The following MLLT3 variants were observed in gnomAD, a reference collection of about 807,000 sequenced individuals.
The protein encoded by MLLT3 is MLLT3 super elongation complex subunit.
Under a neutral mutation model 53.2 loss-of-function variants are expected in MLLT3, and 4 were observed. That is an observed-to-expected ratio of 0.08 (90% CI 0.04 to 0.17). The LOEUF (loss-of-function observed/expected upper bound fraction) is 0.17. MLLT3 is among the 10% of genes least tolerant of loss of function. MLLT3 has a pLI of 1.00. For synonymous variants in MLLT3, 283 were observed against 230.6 expected (o/e 1.23, Z -2.06); for missense variants, 569 against 684.0 (o/e 0.83, Z 1.87).
At chr9:20,521,976 G>A (rs553390914) in intron 2 of MLLT3, among the ~76,000 whole-genome samples, 32 of 150,080 alleles carry the variant, frequency 2.1e-4, no homozygotes, top group Middle Eastern at 3.4e-3. Flanking sequence ...ATATTAAAAG[G>A]GAAAATTATA....
chr9:20,424,908 T>A (rs10964559), intron 4 of MLLT3, among the ~76,000 whole-genome samples: 35,418 of 152,108 alleles, frequency 0.23, 7,401 homozygotes, highest in East Asian at 0.68. Flanking sequence ...ATGTGTGTGC[T>A]TTATAAATAA....
chr9:20,452,794 C>T (rs1336876396), intron 3 of MLLT3, among the ~76,000 whole-genome samples: 2 of 152,106 alleles, frequency 1.3e-5, no homozygotes, highest in Non-Finnish European at 2.9e-5. Flanking sequence ...ATATCTAAAA[C>T]AGATATCATG....
At position 20,478,390 on chromosome 9, in the gene MLLT3, T is replaced by A. The variant is rs1220654311; in HGVS notation, c.194-21604A>T. Among the ~76,000 whole-genome samples, 4 of 152,118 alleles carry A rather than the reference T, an allele frequency of 2.6e-5. No homozygotes were observed. In the East Asian group the frequency reaches 7.7e-4, roughly 29 times the overall value. ...CACTGTCCCTCAGTGACTAAAACAA[T>A]ACCTGGCACAGAAGAGATGCTCACT... On this transcript the variant is annotated intron_variant, in intron 2 of 10. Transcript: ENST00000380338.
At position 20,600,584 on chromosome 9, in the gene MLLT3, G is replaced by A. The variant is rs57387552; in HGVS notation, c.193+20070C>T. On this transcript the variant is annotated intron_variant, in intron 2 of 10. Transcript: ENST00000380338. ...TATAGAGTGATGTCACCTATTTCCC[G>A]ATTAAGGAACCCACCTTGAAATCCA... is the stretch of plus-strand genomic sequence containing the variant. Among the ~76,000 whole-genome samples the A allele has an allele frequency of 1.1e-3, 167 of 152,164 alleles. 2 individuals are homozygous for A. The East Asian group carries it at 0.026, about 24-fold the overall frequency.
At chr9:20,510,278 G>C (rs760388399) in intron 2 of MLLT3, among the ~76,000 whole-genome samples, 4 of 152,132 alleles carry the variant, frequency 2.6e-5, no homozygotes, top group Non-Finnish European at 5.9e-5. Context: ...TATGCGAAAA[G>C]GTACTCAACC....
chr9:20,479,253 T>C (rs1254484690), intron 2 of MLLT3, among the ~76,000 whole-genome samples: 2 of 152,162 alleles, frequency 1.3e-5, no homozygotes, highest in African/African-American at 4.8e-5. Flanking sequence ...TGCTTTCAGG[T>C]TTCTTAGGAA....
chr9:20,388,779 A>G (rs888488937), intron 5 of MLLT3, among the ~76,000 whole-genome samples: 11 of 152,184 alleles, frequency 7.2e-5, no homozygotes, highest in Admixed American at 7.2e-4. Context: ...GTCACCAAGA[A>G]TAAGAATGTG....
chr9:20,523,743 G>A (rs1362645169), intron 2 of MLLT3, among the ~76,000 whole-genome samples: 1 of 152,070 alleles, frequency 6.6e-6, no homozygotes, highest in African/African-American at 2.4e-5. Context: ...GCTGATGAGG[G>A]CAATCGCTTG....
chr9:20,621,996 G>T lies in MLLT3; in HGVS notation c.12+249C>A. On this transcript the variant is annotated intron_variant, in intron 1 of 10. Coordinates refer to ENST00000380338, the MANE Select transcript of MLLT3 (RefSeq NM_004529.4). The surrounding 1 kb of genome is among the most constrained non-coding windows in gnomAD (Gnocchi z 7.0). ...TGCAAAGAGGCGAGGAGGGAGGGAG[G>T]CGCGGGGGGTGGAGGGGCGAGTGTG... is the stretch of plus-strand genomic sequence containing the variant. 1 of 1,394,468 alleles carries T rather than the reference G, an allele frequency of 7.2e-7. No individual in the cohort carries two copies. The highest frequency in any genetic ancestry group is 9.3e-7 in the Non-Finnish European group (1 of 1,080,900). 86.4% of individuals were successfully genotyped at this position (1,394,468 alleles called of 1,614,324 possible). A position where few individuals can be genotyped will look rare whatever the true frequency, so the allele number is the denominator to read the frequency against.
chr9:20,355,485 A>G (rs1031592517), intron 8 of MLLT3, among the ~76,000 whole-genome samples: 2 of 152,220 alleles, frequency 1.3e-5, no homozygotes, highest in Non-Finnish European at 2.9e-5. Flanking sequence ...GACTGATTAC[A>G]ACTTAAGTTA....
rs1822799235 is a variant in MLLT3, at chr9:20,414,005, G to A, written c.841C>T (p.Pro281Ser). 6.2e-7 allele frequency: 1 copy of A among 1,613,956 alleles called. No individual in the cohort carries two copies. Among genetic ancestry groups the A allele is most frequent in the African/African-American group, 1.3e-5 (1 of 74,900 alleles). ...TCTGAAATGGGCGGCCTTTTACTAG[G>A]AGCCTTCTTATCTTGTCCACTGGTG... is the stretch of plus-strand genomic sequence containing the variant. ...TITSGQDKKA[P>S]SKRPPISDSE... The change falls in exon 5 of 11, where the codon CCT becomes TCT. Residue 281 changes from proline (P) to serine (S), a missense_variant. Physicochemically the swap from Pro to Ser is moderately conservative, Grantham distance 74 (BLOSUM62 -1). This residue lies in a region of MLLT3 where 437 missense variants were observed against 376.5 expected (regional missense o/e 1.16). Coordinates refer to ENST00000380338, the MANE Select transcript of MLLT3 (RefSeq NM_004529.4).
chr9:20,425,342 A>C (rs1257743987), intron 4 of MLLT3, among the ~76,000 whole-genome samples: 1 of 152,118 alleles, frequency 6.6e-6, no homozygotes, highest in Admixed American at 6.6e-5. Flanking sequence ...GAAACAGTTA[A>C]AGTGGTTCCT....
chr9:20,543,512 C>A (rs768450865), intron 2 of MLLT3, among the ~76,000 whole-genome samples: 8 of 152,266 alleles, frequency 5.3e-5, no homozygotes, highest in Admixed American at 1.3e-4. Context: ...TGCAGTGGCT[C>A]ATGCCTCTAA....
Position 20,622,316 on chromosome 9 carries a change from C to G in MLLT3, c.-60G>C, listed in dbSNP as rs541978170. Reference sequence around the variant, plus strand: ...TGGTACCCCCCCCTCCTCCGCCCCCCCTCAGCTGTAATTCATGAAGAGGCT... The same window carrying G: ...TGGTACCCCCCCCTCCTCCGCCCCCGCTCAGCTGTAATTCATGAAGAGGCT... On this transcript the variant is annotated 5_prime_UTR_variant, in exon 1 of 11. Coordinates refer to ENST00000380338, the MANE Select transcript of MLLT3 (RefSeq NM_004529.4). 25 of 1,460,460 alleles carry G rather than the reference C, an allele frequency of 1.7e-5. No individual in the cohort carries two copies. The highest frequency in any genetic ancestry group is 1.3e-4 in the African/African-American group (9 of 69,284). 90.5% of individuals were successfully genotyped at this position (1,460,460 alleles called of 1,614,324 possible). A position where few individuals can be genotyped will look rare whatever the true frequency, so the allele number is the denominator to read the frequency against.
intron 2 of MLLT3, among the ~76,000 whole-genome samples, chr9:20,599,703 G>C (rs1237843397): frequency 1.3e-5 from 2 of 152,066 alleles, no homozygotes; most frequent in Non-Finnish European, 2.9e-5. Context: ...TCTAAAAAAG[G>C]GTGACTATAT....
intron 2 of MLLT3, among the ~76,000 whole-genome samples, chr9:20,543,273 T>G (rs994506050): frequency 2.6e-5 from 4 of 152,222 alleles, no homozygotes; most frequent in African/African-American, 9.7e-5. Flanking sequence ...GAGGCCTAAC[T>G]TTTGACCTAA....
At chr9:20,488,988 A>ATTTTATC (rs1824880371) in intron 2 of MLLT3, among the ~76,000 whole-genome samples, 1 of 152,194 alleles carries the variant, frequency 6.6e-6, no homozygotes, top group African/African-American at 2.4e-5. Flanking sequence ...GAGGTATTTC[A>ATTTTATC]TTTTATCTGT....
intron 10 of MLLT3, among the ~76,000 whole-genome samples, chr9:20,351,724 G>A (rs1821034353): frequency 6.6e-6 from 1 of 152,242 alleles, no homozygotes; most frequent in African/African-American, 2.4e-5. Flanking sequence ...AGGTGTTCAA[G>A]TCTGCACGGC....
Position 20,353,590 on chromosome 9 carries a change from G to A in MLLT3, c.1510C>T (p.Leu504=). ...IKNGECDKAY[L]DELVELHRRL... is the part of the protein sequence containing the mutation. ...CTGTGAAGCTCTACCAGTTCATCTA[G>A]GTATGCCTGAAAGAGAAGAATGTCC... Residue 504 remains leucine (L), a synonymous_variant, in exon 10 of 11, where the codon CTA becomes TTA. Coordinates refer to ENST00000380338, the MANE Select transcript of MLLT3 (RefSeq NM_004529.4). 6.2e-7 allele frequency: 1 copy of A among 1,613,736 alleles called. No homozygotes were observed.
Sources: gnomAD v4.1 joint callset for allele counts (sites outside exome capture counted in the v4.1 genomes callset) on GRCh38, gnomAD v4.1.1 for gene constraint, gnomAD v4.1.1 regional missense constraint, Gnocchi (gnomAD v3.1) non-coding constraint, MANE v1.5 for transcripts, NCBI Gene and HGNC (gene_info 2026-07-23, HGNC 2026-07-21) for gene names.